HMGXB3: variants seen among roughly 807,000 people sequenced by gnomAD.
HMGXB3 encodes the protein HMG-box containing 3.
Under a neutral mutation model 121.5 loss-of-function variants are expected in HMGXB3, and 45 were observed. The ratio of observed to expected loss-of-function variants is 0.37; its 90% confidence interval spans 0.29 to 0.47. The LOEUF is 0.47. Ranked by LOEUF, HMGXB3 falls within the 20% of genes least tolerant of loss-of-function variation. The pLI is 0.99. For missense variants in HMGXB3, 1,376 were observed against 1,602.2 expected (o/e 0.86, Z 2.41); for synonymous variants, 590 against 624.1 (o/e 0.95, Z 0.81).
chr5:150,036,615 A>G, intron 11 of HMGXB3, 21 bp from the exon 12 acceptor site: 2 of 1,511,320 alleles, frequency 1.3e-6, no homozygotes, highest in Non-Finnish European at 1.8e-6. Context: ...GTGCTTGGTG[A>G]TCAATCCACT....
intron 4 of HMGXB3, 102 bp downstream of exon 4, chr5:150,010,710 C>T (rs538885941): frequency 3.5e-6 from 4 of 1,157,864 alleles, no homozygotes; most frequent in East Asian, 5.2e-5. Context: ...ATCAAGAGTA[C>T]TGGTGTGGCA....
chr5:150,006,203 T>A (rs1451674010), intron 2 of HMGXB3, among the ~76,000 whole-genome samples: 1 of 152,210 alleles, frequency 6.6e-6, no homozygotes, highest in Admixed American at 6.5e-5. Flanking sequence ...CAGCTATCAG[T>A]TATAATCAGG....
Position 150,012,336 on chromosome 5 carries a change from C to T in HMGXB3, c.892C>T (p.Pro298Ser). ...GCCTGCCTACTCGGTTGTGGAGAAC[C>T]CCACCTCCATCAAACTGGTCAGTAC... ...PLPAYSVVEN[P>S]TSIKLTTTYT... The change falls in exon 5 of 20, where the codon CCC (proline) becomes TCC (serine). Residue 298 changes from proline to serine, a missense_variant. Pro to Ser is a moderately conservative substitution (Grantham distance 74). This residue lies in a region of HMGXB3 where 1,116 missense variants were observed against 1,369.0 expected (regional missense o/e 0.82). Coordinates refer to ENST00000502717, the MANE Select transcript of HMGXB3 (RefSeq NM_014983.3). The T allele has an allele frequency of 6.4e-7, 1 of 1,551,920 alleles. No individual in the cohort carries two copies. Among genetic ancestry groups the T allele is most frequent in the Non-Finnish European group, 8.7e-7 (1 of 1,146,768 alleles).
In HMGXB3 at chr5:150,014,947, A is replaced by G. The variant is rs1581249737; in HGVS notation, c.909+2594A>G. 12 of 950,764 alleles carry G rather than the reference A, an allele frequency of 1.3e-5. No homozygotes were observed. In the East Asian group the frequency reaches 3.9e-4, roughly 31 times the overall value. The allele number at this position is 950,764 out of a possible 1,614,324, so 58.9% of individuals were successfully genotyped here. A position where few individuals can be genotyped will look rare whatever the true frequency, so the allele number is the denominator to read the frequency against. On this transcript the variant is annotated intron_variant, in intron 5 of 19. Transcript: ENST00000502717. The stretch of plus-strand genomic sequence containing the variant: ...GATGGAGATCATATGAAATGTTCCC[A>G]TATTCTCTTAAAAATGGGAAAATTT...
intron 16 of HMGXB3, among the ~76,000 whole-genome samples, chr5:150,047,093 C>T (rs1056527475): frequency 3.3e-5 from 5 of 151,904 alleles, no homozygotes; most frequent in African/African-American, 1.2e-4. Flanking sequence ...GGGGTTTCAC[C>T]ATATTGGTCA....
chr5:150,002,500 A>G (rs1581243014), intron 1 of HMGXB3, among the ~76,000 whole-genome samples: 1 of 152,146 alleles, frequency 6.6e-6, no homozygotes, highest in Non-Finnish European at 1.5e-5. Flanking sequence ...TATCAGTCCC[A>G]TATTTACCAC....
intron 6 of HMGXB3, among the ~76,000 whole-genome samples, chr5:150,019,785 A>G (rs1405400539): frequency 6.6e-6 from 1 of 152,212 alleles, no homozygotes; most frequent in East Asian, 1.9e-4. Context: ...TTGTATGTGT[A>G]GAAAAACCTT....
In HMGXB3 at chr5:150,010,313, T is replaced by A. The variant is rs1245277199; in HGVS notation, c.515T>A (p.Val172Glu). The change falls in exon 4 of 20, where the codon GTG becomes GAG. Residue 172 changes from valine to glutamate, a missense_variant. By Grantham distance (121) the Val-to-Glu change is moderately radical (BLOSUM62 -2). Transcript: ENST00000502717. The part of the protein sequence containing the change: ...PLVSNTAPET[V>E]PSHAGMAEQC... ...GTGTCCAACACTGCCCCGGAGACAGTGCCCAGCCATGCAGGCATGGCAGAG... is the reference window on the plus strand; with the variant it reads ...GTGTCCAACACTGCCCCGGAGACAGAGCCCAGCCATGCAGGCATGGCAGAG... The A allele has an allele frequency of 6.4e-7, 1 of 1,551,690 alleles. No individual in the cohort carries two copies. Among genetic ancestry groups the A allele is most frequent in the South Asian group, 1.2e-5 (1 of 84,060 alleles).
In HMGXB3 at chr5:150,010,418, C is replaced by T; in HGVS notation, c.620C>T (p.Ser207Leu). 6.4e-7 allele frequency: 1 copy of T among 1,551,694 alleles called. No individual in the cohort carries two copies. Among genetic ancestry groups the T allele is most frequent in the Non-Finnish European group, 8.7e-7 (1 of 1,147,002 alleles). ...QSGAVQEIAT[S>L]EILSQDVLLE... is the part of the protein sequence containing the mutation. ...GGTGCTGTACAGGAGATTGCCACCT[C>T]AGAGATCCTCAGCCAGGATGTGCTC... The change falls in exon 4 of 20, where the codon TCA becomes TTA. Residue 207 changes from serine to leucine, a missense_variant. Around this residue, in one of 2 missense-constraint regions of HMGXB3, gnomAD observed 1,116 missense variants for 1,369.0 expected, o/e 0.82. Transcript: ENST00000502717.
In HMGXB3 at chr5:150,005,610, A is replaced by G. The variant is rs150098652; in HGVS notation, c.137+621A>G. Among the ~76,000 whole-genome samples, 2,591 of 151,904 alleles carry G rather than the reference A, an allele frequency of 0.017. 170 individuals are homozygous for G. In the East Asian group the frequency reaches 0.19, roughly 11 times the overall value. On this transcript the variant is annotated intron_variant, in intron 2 of 19. Transcript: ENST00000502717. ...ACGAAACTCCTCTCAAAAAAAAAAAAAAAAGAAAAGAAAAAGAAAAAAAAC... is the reference window on the plus strand; with the variant it reads ...ACGAAACTCCTCTCAAAAAAAAAAAGAAAAGAAAAGAAAAAGAAAAAAAAC...
chr5:150,032,868 C>A lies in HMGXB3; in HGVS notation c.1983+265C>A, dbSNP rs538244286. Among the ~76,000 whole-genome samples, 9 of 152,188 alleles carry A rather than the reference C, an allele frequency of 5.9e-5. No homozygotes were observed. The South Asian group carries it at 1.2e-3, about 21-fold the overall frequency. ...ACTGCAGAGAATGATGTAGCACAGG[C>A]CTTAAGTAGGAGTGAAAGGAGAGGG... On this transcript the variant is annotated intron_variant, in intron 11 of 19. Coordinates refer to ENST00000502717, the MANE Select transcript of HMGXB3 (RefSeq NM_014983.3).
At position 150,042,005 on chromosome 5, in the gene HMGXB3, A is replaced by G. The variant is rs772840474; in HGVS notation, c.2730+36A>G. 10 of 1,526,530 alleles carry G rather than the reference A, an allele frequency of 6.6e-6. No individual in the cohort carries two copies. In the East Asian group the frequency reaches 2.0e-4, roughly 30 times the overall value. The allele number at this position is 1,526,530 out of a possible 1,614,324, so 94.6% of individuals were successfully genotyped here. On this transcript the variant is annotated intron_variant, in intron 15 of 19. Coordinates refer to ENST00000502717, the MANE Select transcript of HMGXB3 (RefSeq NM_014983.3). ...CTTAGCCACCGTGAGGGACCTGCGG[A>G]ATTTTCTCATTTTGGCACCTCCCTT...
chr5:150,028,652 G>A (rs1255478270), intron 9 of HMGXB3, among the ~76,000 whole-genome samples: 7 of 145,524 alleles, frequency 4.8e-5, no homozygotes, highest in South Asian at 4.4e-4. Context: ...CTGCAGCCTC[G>A]AACTCCTGGG....
At chr5:150,002,137 A>G (rs1243338452) in intron 1 of HMGXB3, among the ~76,000 whole-genome samples, 1 of 152,260 alleles carries the variant, frequency 6.6e-6, no homozygotes, top group Non-Finnish European at 1.5e-5. Flanking sequence ...GAGATGACAG[A>G]GAACTAGGAA....
chr5:150,024,632 A>G lies in HMGXB3; in HGVS notation c.1412A>G (p.Glu471Gly). The G allele has an allele frequency of 6.4e-7, 1 of 1,551,744 alleles. No homozygotes were observed. Among genetic ancestry groups the G allele is most frequent in the Non-Finnish European group, 8.7e-7 (1 of 1,146,960 alleles). The change falls in exon 7 of 20, where the codon GAG (glutamate) becomes GGG (glycine). Residue 471 changes from glutamate (E) to glycine (G), a missense_variant. Glu to Gly is a moderately conservative substitution (Grantham distance 98). Around this residue, in one of 2 missense-constraint regions of HMGXB3, gnomAD observed 1,116 missense variants for 1,369.0 expected, o/e 0.82. Transcript: ENST00000502717. ...GGAGCAGACGTACCAACACCATCCG[A>G]GGGGACAAGTACCTCCAGTCCACTC... ...SPGADVPTPSEGTSTSSPLPA... is the reference protein window; with the variant it reads ...SPGADVPTPSGGTSTSSPLPA...
At chr5:150,030,482 G>T (rs1756346069) in intron 9 of HMGXB3, 1 of 396,674 alleles carries the variant, frequency 2.5e-6, no homozygotes, top group East Asian at 4.4e-5. Flanking sequence ...TAACTCAGTA[G>T]TAGTTGTAAA....
chr5:150,002,495 G>A (rs1755596432), intron 1 of HMGXB3, among the ~76,000 whole-genome samples: 1 of 152,158 alleles, frequency 6.6e-6, no homozygotes, highest in Admixed American at 6.5e-5. Flanking sequence ...GCACGTATCA[G>A]TCCCATATTT....
At chr5:150,034,250 C>T (rs1756449892) in intron 11 of HMGXB3, among the ~76,000 whole-genome samples, 1 of 152,182 alleles carries the variant, frequency 6.6e-6, no homozygotes, top group African/African-American at 2.4e-5. Flanking sequence ...GCATTGATCA[C>T]ACCCCATATT....
chr5:150,019,136 A>C (rs180978996), intron 6 of HMGXB3, among the ~76,000 whole-genome samples: 111 of 151,892 alleles, frequency 7.3e-4, no homozygotes, highest in African/African-American at 2.6e-3. Flanking sequence ...TTTTTCGTGG[A>C]TATCTCCAAT....
Sources: gnomAD v4.1 joint callset for allele counts (sites outside exome capture counted in the v4.1 genomes callset) on GRCh38, gnomAD v4.1.1 for gene constraint, gnomAD v4.1.1 regional missense constraint, MANE v1.5 for transcripts, NCBI Gene and HGNC (gene_info 2026-07-23, HGNC 2026-07-21) for gene names.